Variants in DPYD observed in about 807,000 individuals in gnomAD.
DPYD encodes dihydropyrimidine dehydrogenase [NADP(+)].
DPYD carries 109 observed loss-of-function variants against 116.2 expected under a neutral mutation model. That is an observed-to-expected ratio of 0.94 (90% CI 0.80 to 1.10). The LOEUF (loss-of-function observed/expected upper bound fraction) is 1.10. DPYD is among the 50% of genes least tolerant of loss of function. DPYD has a pLI of 0.00. For synonymous variants in DPYD, 440 were observed against 432.0 expected (o/e 1.02, Z -0.23); for missense variants, 1,302 against 1,254.5 (o/e 1.04, Z -0.57).
intron 18 of DPYD, among the ~76,000 whole-genome samples, chr1:97,249,936 G>A (rs1190712888): frequency 1.3e-5 from 2 of 152,114 alleles, no homozygotes; most frequent in Admixed American, 1.3e-4. Context: ...ATAACAATGT[G>A]GAACAAAACG....
At chr1:97,333,679 C>A (rs1669145851) in intron 16 of DPYD, among the ~76,000 whole-genome samples, 1 of 150,692 alleles carries the variant, frequency 6.6e-6, no homozygotes, top group South Asian at 2.1e-4. Flanking sequence ...TGCCACCACG[C>A]CTGGCTAATT....
chr1:97,264,162 GTTTTTTTTT>G (rs71071641), intron 18 of DPYD, among the ~76,000 whole-genome samples: 114 of 60,070 alleles, frequency 1.9e-3, no homozygotes, highest in African/African-American at 5.1e-3. Context: ...GCAAAATTCT[GTTTTTTTTT>G]TTTTTTTTTT....
chr1:97,620,989 G>C (rs537867394), intron 8 of DPYD, among the ~76,000 whole-genome samples: 1 of 152,108 alleles, frequency 6.6e-6, no homozygotes, highest in African/African-American at 2.4e-5. Flanking sequence ...CAGCATATTT[G>C]TACATATACT....
chr1:97,376,977 C>A (rs1176440398), intron 15 of DPYD, among the ~76,000 whole-genome samples: 1 of 149,796 alleles, frequency 6.7e-6, no homozygotes, highest in Non-Finnish European at 1.5e-5. Context: ...CTTGAACACA[C>A]TCTTTCACTA....
At chr1:97,780,445 CTTAGT>C (rs1056061040) in intron 3 of DPYD, among the ~76,000 whole-genome samples, 1 of 152,124 alleles carries the variant, frequency 6.6e-6, no homozygotes, top group Non-Finnish European at 1.5e-5. Flanking sequence ...TAACATAATG[CTTAGT>C]TTAATTACTG....
In DPYD at chr1:97,485,355, C is replaced by A. The variant is rs534576472; in HGVS notation, c.1740+30371G>T. On this transcript the variant is annotated intron_variant, in intron 13 of 22. Coordinates refer to ENST00000370192, the MANE Select transcript of DPYD (RefSeq NM_000110.4). ...TAGCTGGGACTACAGGAGTGCACCA[C>A]GATGCCTGGTTAATTTTTCTATGTT... is the stretch of plus-strand genomic sequence containing the variant. Among the ~76,000 whole-genome samples the A allele has an allele frequency of 3.3e-5, 5 of 152,192 alleles. No individual in the cohort carries two copies. The East Asian group carries it at 9.7e-4, about 30-fold the overall frequency.
At chr1:97,628,377 T>A (rs557865575) in intron 8 of DPYD, among the ~76,000 whole-genome samples, 8 of 152,218 alleles carry the variant, frequency 5.3e-5, no homozygotes, top group Admixed American at 3.3e-4. Flanking sequence ...TACACAGTGA[T>A]TTTTCTTATT....
intron 3 of DPYD, among the ~76,000 whole-genome samples, chr1:97,742,611 T>G (rs1196069682): frequency 1.3e-5 from 2 of 152,166 alleles, no homozygotes; most frequent in Non-Finnish European, 2.9e-5. Flanking sequence ...CGAAGTATAA[T>G]CTGCAGCATA....
At chr1:97,256,469 T>C (rs1663476283) in intron 18 of DPYD, among the ~76,000 whole-genome samples, 1 of 152,082 alleles carries the variant, frequency 6.6e-6, no homozygotes, top group African/African-American at 2.4e-5. Flanking sequence ...CTCATGATAA[T>C]GAATAAGTCT....
chr1:97,592,838 C>A (rs145074864), intron 10 of DPYD, among the ~76,000 whole-genome samples: 45 of 152,230 alleles, frequency 3.0e-4, no homozygotes, highest in African/African-American at 9.4e-4. Context: ...AATTGGCTTA[C>A]GGAAAATTCC....
chr1:97,326,991 A>C (rs931510549), intron 16 of DPYD, among the ~76,000 whole-genome samples: 1 of 152,066 alleles, frequency 6.6e-6, no homozygotes, highest in African/African-American at 2.4e-5. Context: ...AGACATTTTA[A>C]AATAAATCAA....
chr1:97,175,632 G>A (rs1328708485), intron 20 of DPYD, among the ~76,000 whole-genome samples: 1 of 152,176 alleles, frequency 6.6e-6, no homozygotes, highest in Non-Finnish European at 1.5e-5. Context: ...GGGCAAGGGA[G>A]TGGGTCTAGA....
intron 16 of DPYD, among the ~76,000 whole-genome samples, chr1:97,352,563 TA>T (rs71747807): frequency 0.061 from 8,283 of 136,472 alleles, 677 homozygotes; most frequent in African/African-American, 0.2. Flanking sequence ...CCTGAAATAG[TA>T]AAAAAAAAAA....
intron 13 of DPYD, among the ~76,000 whole-genome samples, chr1:97,463,235 G>T (rs1677119923): frequency 1.3e-5 from 2 of 152,156 alleles, no homozygotes; most frequent in Non-Finnish European, 2.9e-5. Flanking sequence ...GAATCATGGG[G>T]CAAGTCTTTC....
At chr1:97,094,275 G>A (rs1650086134) in intron 21 of DPYD, among the ~76,000 whole-genome samples, 1 of 152,040 alleles carries the variant, frequency 6.6e-6, no homozygotes, top group East Asian at 1.9e-4. Context: ...GGAATTTTAA[G>A]CAAGGGATAA....
intron 16 of DPYD, among the ~76,000 whole-genome samples, chr1:97,347,781 A>G (rs939610591): frequency 5.3e-5 from 8 of 152,136 alleles, no homozygotes; most frequent in Non-Finnish European, 5.9e-5. Flanking sequence ...ACTTATATGC[A>G]TTATCTCACA....
intron 16 of DPYD, among the ~76,000 whole-genome samples, chr1:97,327,466 A>G (rs1668766723): frequency 6.6e-6 from 1 of 152,002 alleles, no homozygotes; most frequent in South Asian, 2.1e-4. Flanking sequence ...ATTATTGTGG[A>G]AGCAAATACC....
At chr1:97,504,477 G>A (rs1679770753) in intron 13 of DPYD, among the ~76,000 whole-genome samples, 4 of 151,962 alleles carry the variant, frequency 2.6e-5, no homozygotes, top group African/African-American at 9.7e-5. Context: ...AGGCAAATGT[G>A]TTGCAGCAGA....
intron 3 of DPYD, among the ~76,000 whole-genome samples, chr1:97,741,756 C>A (rs1664282366): frequency 6.6e-6 from 1 of 152,052 alleles, no homozygotes; most frequent in Non-Finnish European, 1.5e-5. Context: ...AGTACAGACA[C>A]AGAAAAAGCC....
Sources: allele counts gnomAD v4.1 joint callset (sites outside exome capture counted in the v4.1 genomes callset), GRCh38; gene constraint gnomAD v4.1.1; transcripts MANE v1.5; gene names NCBI Gene and HGNC (gene_info 2026-07-23, HGNC 2026-07-21).